The following ADGRB3 variants were observed in gnomAD, a reference collection of about 807,000 sequenced individuals.
The protein encoded by ADGRB3 is adhesion G protein-coupled receptor B3.
Under a neutral mutation model 193.4 loss-of-function variants are expected in ADGRB3, and 37 were observed. That is an observed-to-expected ratio of 0.19 (90% CI 0.15 to 0.25). The LOEUF (loss-of-function observed/expected upper bound fraction) is 0.25, where lower values mean the gene tolerates loss of function less well. Ranked by LOEUF, ADGRB3 falls within the 10% of genes least tolerant of loss-of-function variation. The pLI is 1.00. For synonymous variants in ADGRB3, 690 were observed against 644.2 expected, an observed-to-expected ratio of 1.07 and a Z score of -1.08; for missense variants, 1,637 against 1,852.9, an observed-to-expected ratio of 0.88 and a Z score of 2.14.
chr6:68,803,462 C>G (rs1767348595), intron 3 of ADGRB3, among the ~76,000 whole-genome samples: 1 of 152,106 alleles, frequency 6.6e-6, no homozygotes. Context: ...ATTGCTCAAC[C>G]TCCAAATATA....
chr6:69,116,164 C>T (rs994922980), intron 17 of ADGRB3, among the ~76,000 whole-genome samples: 15 of 152,140 alleles, frequency 9.9e-5, no homozygotes, highest in Non-Finnish European at 2.1e-4. Flanking sequence ...GTTCTTAAGG[C>T]CTTCAACTGG....
chr6:68,989,732 C>T (rs1306239341), intron 10 of ADGRB3, among the ~76,000 whole-genome samples: 1 of 152,080 alleles, frequency 6.6e-6, no homozygotes, highest in Non-Finnish European at 1.5e-5. Context: ...ATTATTACAA[C>T]TGCTACTTAG....
intron 3 of ADGRB3, among the ~76,000 whole-genome samples, chr6:68,856,060 G>A (rs767604136): frequency 6.6e-6 from 1 of 152,138 alleles, no homozygotes; most frequent in Non-Finnish European, 1.5e-5. Context: ...ACCTGCATAA[G>A]CTTTCTTCAC....
chr6:69,047,484 T>C (rs1771271012), intron 13 of ADGRB3, among the ~76,000 whole-genome samples: 1 of 151,202 alleles, frequency 6.6e-6, no homozygotes, highest in Non-Finnish European at 1.5e-5. Context: ...TATTTATTGG[T>C]ATTAAGGACA....
chr6:69,375,714 A>T (rs1769802420), intron 30 of ADGRB3, among the ~76,000 whole-genome samples: 1 of 152,134 alleles, frequency 6.6e-6, no homozygotes, highest in African/African-American at 2.4e-5. Context: ...ACGCTAATAG[A>T]TAACAGTATC....
At chr6:69,074,945 T>A (rs1772185917) in intron 16 of ADGRB3, among the ~76,000 whole-genome samples, 1 of 152,192 alleles carries the variant, frequency 6.6e-6, no homozygotes, top group Non-Finnish European at 1.5e-5. Context: ...AATCCTGTAA[T>A]GACACAAAAC....
At chr6:68,882,191 A>T (rs1765751315) in intron 3 of ADGRB3, among the ~76,000 whole-genome samples, 1 of 152,214 alleles carries the variant, frequency 6.6e-6, no homozygotes, top group East Asian at 1.9e-4. Flanking sequence ...ACAGAAAATT[A>T]TGGAGATTAT....
At chr6:69,065,036 T>C (rs1771860343) in intron 16 of ADGRB3, among the ~76,000 whole-genome samples, 1 of 152,138 alleles carries the variant, frequency 6.6e-6, no homozygotes, top group African/African-American at 2.4e-5. Context: ...AAGCACCAGC[T>C]AGTACTGGAA....
intron 17 of ADGRB3, among the ~76,000 whole-genome samples, chr6:69,127,799 A>G (rs1009371175): frequency 6.6e-6 from 1 of 152,148 alleles, no homozygotes; most frequent in African/African-American, 2.4e-5. Context: ...GCATTACACA[A>G]CTGTAAATGT....
chr6:69,072,287 A>C (rs1211215796), intron 16 of ADGRB3, among the ~76,000 whole-genome samples: 3 of 152,172 alleles, frequency 2.0e-5, no homozygotes, highest in Non-Finnish European at 4.4e-5. Flanking sequence ...GGAACCTATA[A>C]TAATGCTCAC....
chr6:69,383,942 C>T (rs1022348689), intron 31 of ADGRB3, among the ~76,000 whole-genome samples: 11 of 152,002 alleles, frequency 7.2e-5, no homozygotes, highest in Middle Eastern at 3.4e-3. Context: ...AAGTAGATGA[C>T]GTTTGGTCAC....
At chr6:69,024,961 G>A (rs983432893) in intron 13 of ADGRB3, among the ~76,000 whole-genome samples, 5 of 151,780 alleles carry the variant, frequency 3.3e-5, no homozygotes, top group African/African-American at 7.3e-5. Flanking sequence ...GCGTGGTGGC[G>A]GGCACCTGTA....
chr6:69,029,923 G>GA (rs1231777839), intron 13 of ADGRB3, among the ~76,000 whole-genome samples: 1 of 149,632 alleles, frequency 6.7e-6, no homozygotes, highest in Non-Finnish European at 1.5e-5. Flanking sequence ...CTTCTCAAGA[G>GA]AAAAAATTTA....
chr6:69,238,689 C>A (rs1466968804), intron 19 of ADGRB3, among the ~76,000 whole-genome samples: 1 of 151,790 alleles, frequency 6.6e-6, no homozygotes, highest in Non-Finnish European at 1.5e-5. Flanking sequence ...TGAGTTTTTT[C>A]TTTTTGGTTC....
intron 3 of ADGRB3, among the ~76,000 whole-genome samples, chr6:68,894,389 C>T (rs1766162682): frequency 1.3e-5 from 2 of 151,950 alleles, no homozygotes; most frequent in South Asian, 2.1e-4. Context: ...AACATCTGTT[C>T]TGCAGAATAT....
chr6:69,107,363 G>C (rs1259212182), intron 17 of ADGRB3, among the ~76,000 whole-genome samples: 1 of 152,092 alleles, frequency 6.6e-6, no homozygotes, highest in Non-Finnish European at 1.5e-5. Context: ...TATCACATTA[G>C]ATATACACTA....
intron 17 of ADGRB3, among the ~76,000 whole-genome samples, chr6:69,133,628 A>G (rs1216165652): frequency 6.6e-6 from 1 of 152,082 alleles, no homozygotes; most frequent in Non-Finnish European, 1.5e-5. Flanking sequence ...TGTGGCCAGC[A>G]TCATCCTGAT....
intron 10 of ADGRB3, among the ~76,000 whole-genome samples, chr6:68,977,796 G>A (rs1302489975): frequency 1.3e-5 from 2 of 151,856 alleles, no homozygotes; most frequent in African/African-American, 2.4e-5. Flanking sequence ...TGCAAGATGG[G>A]TGTCCATGCC....
At chr6:68,690,887 G>T (rs1765061527) in intron 3 of ADGRB3, among the ~76,000 whole-genome samples, 1 of 151,864 alleles carries the variant, frequency 6.6e-6, no homozygotes, top group African/African-American at 2.4e-5. Context: ...ACACATTTTG[G>T]GTTGCAGTTT....
Sources: gnomAD v4.1 joint callset for allele counts (sites outside exome capture counted in the v4.1 genomes callset) on GRCh38, gnomAD v4.1.1 for gene constraint, MANE v1.5 for transcripts, NCBI Gene and HGNC (gene_info 2026-07-23, HGNC 2026-07-21) for gene names.